CHD6: variants seen among roughly 807,000 people sequenced by gnomAD.
CHD6 encodes chromodomain helicase DNA binding protein 6.
In CHD6, 50 loss-of-function variants were observed where a neutral mutation model predicts 276.9. The observed-to-expected ratio is 0.18, with a 90% confidence interval of 0.14 to 0.23. CHD6 has a LOEUF of 0.23. Ranked by LOEUF, CHD6 falls within the 10% of genes least tolerant of loss-of-function variation. CHD6 has a pLI of 1.00. For synonymous variants in CHD6, 1,173 were observed against 1,229.3 expected, an observed-to-expected ratio of 0.95 and a Z score of 0.96; for missense variants, 2,564 against 3,365.8, an observed-to-expected ratio of 0.76 and a Z score of 5.89.
intron 2 of CHD6, among the ~76,000 whole-genome samples, chr20:41,539,611 A>G (rs2044901394): frequency 6.6e-6 from 1 of 152,230 alleles, no homozygotes; most frequent in African/African-American, 2.4e-5. Context: ...CCAGGGAGTG[A>G]CCTTAAGACC....
chr20:41,585,926 G>C (rs1278561693), intron 1 of CHD6, among the ~76,000 whole-genome samples: 1 of 152,218 alleles, frequency 6.6e-6, no homozygotes, highest in Non-Finnish European at 1.5e-5. Flanking sequence ...AGCTGGGAAG[G>C]GGACTGCACC....
intron 27 of CHD6, 83 bp downstream of exon 27, chr20:41,437,191 T>C (rs1175659807): frequency 9.6e-7 from 1 of 1,038,760 alleles, no homozygotes. Flanking sequence ...GCAATCAAGT[T>C]CCCCCAGATC....
At chr20:41,496,632 C>T (rs1013767735) in intron 8 of CHD6, among the ~76,000 whole-genome samples, 45 of 152,176 alleles carry the variant, frequency 3.0e-4, no homozygotes, top group South Asian at 2.1e-4. Flanking sequence ...TTGAACTACT[C>T]GTCAGTATTA....
chr20:41,492,697 C>A (rs183602610), intron 10 of CHD6, among the ~76,000 whole-genome samples: 4 of 152,338 alleles, frequency 2.6e-5, no homozygotes, highest in East Asian at 1.9e-4. Context: ...CCAAGACAGG[C>A]GGATCACCTG....
chr20:41,597,970 C>T (rs4812534), intron 1 of CHD6, among the ~76,000 whole-genome samples: 60,763 of 151,864 alleles, frequency 0.4, 15,617 homozygotes, highest in African/African-American at 0.71. Context: ...CTGGGAATCC[C>T]GTCCTCTGCA....
chr20:41,469,453 A>G (rs779552756), intron 17 of CHD6, among the ~76,000 whole-genome samples: 1 of 152,204 alleles, frequency 6.6e-6, no homozygotes, highest in Non-Finnish European at 1.5e-5. Context: ...GTTATTCCCA[A>G]GAGGTCTGCC....
rs757853587 is a variant in CHD6 at position 41,439,989 on chromosome 20, T to G, written c.4007+11A>C. On this transcript the variant is annotated intron_variant, in intron 26 of 36. Coordinates refer to ENST00000373233, the MANE Select transcript of CHD6 (RefSeq NM_032221.5). ...CATGTCACATGAGGGCTGGCCTACG[T>G]GGCTTCTCACCTTTCAGGAATGTCT... is the stretch of plus-strand genomic sequence containing the variant. 3 of 1,613,604 alleles carry G rather than the reference T, an allele frequency of 1.9e-6. No homozygotes were observed. Among genetic ancestry groups the G allele is most frequent in the Non-Finnish European group, 2.5e-6 (3 of 1,179,728 alleles).
At chr20:41,509,364 C>T (rs1453876958) in intron 5 of CHD6, among the ~76,000 whole-genome samples, 1 of 152,144 alleles carries the variant, frequency 6.6e-6, no homozygotes, top group Non-Finnish European at 1.5e-5. Flanking sequence ...ACAAATCCTA[C>T]ACTAACATAA....
At chr20:41,606,699 T>C (rs2045833501) in intron 1 of CHD6, among the ~76,000 whole-genome samples, 1 of 151,060 alleles carries the variant, frequency 6.6e-6, no homozygotes, top group Non-Finnish European at 1.5e-5. Flanking sequence ...ACTTATCTCC[T>C]AGTCAGTCCA....
At chr20:41,469,753 G>A (rs2043011359) in intron 17 of CHD6, among the ~76,000 whole-genome samples, 5 of 152,178 alleles carry the variant, frequency 3.3e-5, no homozygotes, top group Non-Finnish European at 5.9e-5. Flanking sequence ...AGAGGGTGTG[G>A]CACTTACCTG....
chr20:41,463,473 G>A (rs1179394842), intron 17 of CHD6, among the ~76,000 whole-genome samples: 1 of 152,194 alleles, frequency 6.6e-6, no homozygotes, highest in African/African-American at 2.4e-5. Context: ...TGTACTAAGT[G>A]ATCAAAGTTA....
At chr20:41,597,274 C>T (rs921061819) in intron 1 of CHD6, among the ~76,000 whole-genome samples, 7 of 152,004 alleles carry the variant, frequency 4.6e-5, no homozygotes, top group East Asian at 1.9e-4. Flanking sequence ...GACGTAAATC[C>T]GAACTGCTCC....
chr20:41,565,223 G>A (rs942852357), intron 1 of CHD6, among the ~76,000 whole-genome samples: 8 of 151,788 alleles, frequency 5.3e-5, no homozygotes, highest in South Asian at 2.1e-4. Context: ...AGCCTCCCGA[G>A]TAGCTGGGAT....
At chr20:41,475,484 T>A (rs2145792516) in intron 16 of CHD6, among the ~76,000 whole-genome samples, 1 of 152,308 alleles carries the variant, frequency 6.6e-6, no homozygotes, top group Middle Eastern at 3.4e-3. Context: ...TTTGGAAGCT[T>A]GTAACTCTAA....
In CHD6 at chr20:41,473,288, A is replaced by G. The variant is rs2043098344; in HGVS notation, c.2664+34T>C. On this transcript the variant is annotated intron_variant, in intron 17 of 36. Transcript: ENST00000373233. The surrounding 1 kb of genome is among the most constrained non-coding windows in gnomAD (Gnocchi z 4.1). ...ATCATGATGTTCTGGGATCCAGGGC[A>G]GCTAAGGTAAACAGCAATCATCCTA... 1 of 1,600,918 alleles carries G rather than the reference A, an allele frequency of 6.2e-7. No individual in the cohort carries two copies. The highest frequency in any genetic ancestry group is 8.5e-7 in the Non-Finnish European group (1 of 1,170,718).
At chr20:41,595,077 T>G (rs1045955361) in intron 1 of CHD6, among the ~76,000 whole-genome samples, 1 of 152,180 alleles carries the variant, frequency 6.6e-6, no homozygotes, top group Admixed American at 6.5e-5. Context: ...TCATCTCTTG[T>G]GAGGAGATGT....
At chr20:41,520,992 CAAAA>C (rs2044379507) in intron 3 of CHD6, among the ~76,000 whole-genome samples, 1 of 151,922 alleles carries the variant, frequency 6.6e-6, no homozygotes, top group African/African-American at 2.4e-5. Context: ...GAAGGGTAAA[CAAAA>C]AACCCCACAA....
intron 2 of CHD6, among the ~76,000 whole-genome samples, chr20:41,536,085 G>A (rs1165549439): frequency 2.0e-5 from 3 of 152,148 alleles, no homozygotes; most frequent in Admixed American, 2.0e-4. Context: ...TTTCTTTCAT[G>A]TGTCTCAAGG....
Position 41,416,730 on chromosome 20 carries a change from G to A in CHD6, c.6344C>T (p.Ser2115Phe), listed in dbSNP as rs751977599. The change falls in exon 33 of 37, where the codon TCT (serine) becomes TTT (phenylalanine). Residue 2115 changes from serine (S) to phenylalanine (F), a missense_variant. Transcript: ENST00000373233. ...GCCTGAGGGCTCATACTGCTGGCTA[G>A]AGGGCCACTTCCCCTTTAACACCAC... ...CHVVLKGKWPSSQQYEPSGTL... is the reference protein window; with the variant it reads ...CHVVLKGKWPFSQQYEPSGTL... 5 of 1,613,086 alleles carry A rather than the reference G, an allele frequency of 3.1e-6. No homozygotes were observed. In the East Asian group the frequency reaches 8.9e-5, roughly 29 times the overall value.
Sources: gnomAD v4.1 joint callset for allele counts (sites outside exome capture counted in the v4.1 genomes callset) on GRCh38, gnomAD v4.1.1 for gene constraint, Gnocchi (gnomAD v3.1) non-coding constraint, MANE v1.5 for transcripts, NCBI Gene and HGNC (gene_info 2026-07-23, HGNC 2026-07-21) for gene names.